CASTOR2: variants seen among roughly 807,000 people sequenced by gnomAD.
The protein encoded by CASTOR2 is GATS protein like 2.
CASTOR2 carries 8 observed loss-of-function variants against 31.2 expected under a neutral mutation model. The observed-to-expected ratio is 0.26, with a 90% CI of 0.15 to 0.46. The LOEUF (loss-of-function observed/expected upper bound fraction) is 0.46. Ranked by LOEUF, CASTOR2 falls within the 20% of genes least tolerant of loss-of-function variation. CASTOR2 has a pLI of 0.99. For synonymous variants in CASTOR2, 162 were observed against 158.7 expected, an observed-to-expected ratio of 1.02 and a Z score of -0.16; for missense variants, 216 against 382.1, an observed-to-expected ratio of 0.57 and a Z score of 3.62.
At chr7:75,012,194 G>A (rs1237321454) in intron 2 of CASTOR2, among the ~76,000 whole-genome samples, 7 of 152,118 alleles carry the variant, frequency 4.6e-5, no homozygotes, top group African/African-American at 4.8e-5. Flanking sequence ...AAGACTCTCA[G>A]GGGGCTGTGG....
At position 75,028,860 on chromosome 7, in the gene CASTOR2, C is replaced by T. The variant is rs1388136142; in HGVS notation, c.*4161C>T. On this transcript the variant is annotated 3_prime_UTR_variant, in exon 9 of 9. Transcript: ENST00000616305. Reference sequence around the variant, plus strand: ...CCTGACCCTGGTAGCTTCCCCTCCCCAAGATTCAGAGGCGGGGACCCAAAG... The same window carrying T: ...CCTGACCCTGGTAGCTTCCCCTCCCTAAGATTCAGAGGCGGGGACCCAAAG... Among the ~76,000 whole-genome samples the T allele has an allele frequency of 1.3e-5, 2 of 152,192 alleles. No individual in the cohort carries two copies. Among genetic ancestry groups the T allele is most frequent in the Non-Finnish European group, 2.9e-5 (2 of 68,026 alleles).
chr7:74,987,145 C>T (rs1394325619), intron 1 of CASTOR2, among the ~76,000 whole-genome samples: 2 of 152,216 alleles, frequency 1.3e-5, no homozygotes, highest in East Asian at 1.9e-4. Flanking sequence ...TGGCTCACAC[C>T]TGTAATCTCA....
intron 2 of CASTOR2, among the ~76,000 whole-genome samples, chr7:75,016,341 G>A (rs1314811417): frequency 2.0e-5 from 3 of 152,216 alleles, no homozygotes; most frequent in Non-Finnish European, 4.4e-5. Context: ...GTTTTCATGA[G>A]CTAGGTAAGG....
intron 1 of CASTOR2, 71 bp from the exon 2 acceptor site, chr7:75,007,923 C>T (rs1162321682): frequency 1.2e-6 from 2 of 1,609,800 alleles, no homozygotes; most frequent in Non-Finnish European, 1.7e-6. Context: ...ATCCCCAGGG[C>T]ACGGGTGGGC....
intron 2 of CASTOR2, among the ~76,000 whole-genome samples, chr7:75,016,748 G>A (rs1392093996): frequency 2.0e-5 from 3 of 152,204 alleles, no homozygotes; most frequent in African/African-American, 7.2e-5. Flanking sequence ...AGCAAACTGA[G>A]GCTCGGTGCA....
chr7:74,985,699 C>T (rs1357249901), intron 1 of CASTOR2, among the ~76,000 whole-genome samples: 35 of 151,986 alleles, frequency 2.3e-4, no homozygotes, highest in African/African-American at 8.0e-4. Context: ...TTCCATTACC[C>T]CCCAGGCCTC....
intron 2 of CASTOR2, among the ~76,000 whole-genome samples, chr7:75,011,134 A>G (rs1322773959): frequency 3.3e-5 from 5 of 151,968 alleles, no homozygotes; most frequent in Non-Finnish European, 5.9e-5. Context: ...TGCTGCCAAA[A>G]TATTAGCATT....
intron 1 of CASTOR2, among the ~76,000 whole-genome samples, chr7:74,989,313 GTAGTGCAGTTA>G (rs1804149225): frequency 6.6e-6 from 1 of 150,858 alleles, no homozygotes; most frequent in South Asian, 2.1e-4. Flanking sequence ...CTGGAATGCA[GTAGTGCAGTTA>G]TAGCTCACTG....
intron 7 of CASTOR2, among the ~76,000 whole-genome samples, chr7:75,022,159 C>T (rs1197438368): frequency 1.3e-5 from 2 of 152,154 alleles, no homozygotes; most frequent in Non-Finnish European, 2.9e-5. Flanking sequence ...AGGCTTCAAT[C>T]GGAGTGCTTT....
At chr7:75,019,466 TG>T (rs1804943127) in intron 5 of CASTOR2, among the ~76,000 whole-genome samples, 1 of 151,988 alleles carries the variant, frequency 6.6e-6, no homozygotes, top group Non-Finnish European at 1.5e-5. Context: ...GTGGGAGACA[TG>T]GACCCGCCCT....
At chr7:75,018,219 T>G in intron 4 of CASTOR2, 97 bp downstream of exon 4, 2 of 1,546,042 alleles carry the variant, frequency 1.3e-6, no homozygotes, top group Non-Finnish European at 1.8e-6. Flanking sequence ...TTCTGCCCAC[T>G]GAGCATGAAT....
chr7:75,024,880 C>T lies in CASTOR2; in HGVS notation c.*181C>T, dbSNP rs942168842. ...GCAGGGGCCCACGCCAAGGCCTCTC[C>T]ATGCCCTCCTGCCTTCCCGGAGCCC... is the stretch of plus-strand genomic sequence containing the variant. On this transcript the variant is annotated 3_prime_UTR_variant, in exon 9 of 9. Transcript: ENST00000616305. The T allele has an allele frequency of 2.3e-5, 33 of 1,449,506 alleles. No homozygotes were observed. The highest frequency in any genetic ancestry group is 2.8e-5 in the Non-Finnish European group (30 of 1,066,538). 89.8% of individuals were successfully genotyped at this position (1,449,506 alleles called of 1,614,324 possible).
At chr7:74,990,646 G>A (rs1386578051) in intron 1 of CASTOR2, among the ~76,000 whole-genome samples, 17 of 152,190 alleles carry the variant, frequency 1.1e-4, no homozygotes, top group African/African-American at 4.1e-4. Flanking sequence ...CTTGAGGTCA[G>A]GAGTTTGAGA....
At chr7:74,978,260 C>T (rs138313393) in intron 1 of CASTOR2, among the ~76,000 whole-genome samples, 8,596 of 149,708 alleles carry the variant, frequency 0.057, 487 homozygotes, top group Middle Eastern at 0.19. Context: ...CACGCCACCA[C>T]GCCTGGCTAA....
At chr7:74,987,701 GTTTTCTTT>G (rs1439192577) in intron 1 of CASTOR2, among the ~76,000 whole-genome samples, 1 of 152,136 alleles carries the variant, frequency 6.6e-6, no homozygotes, top group African/African-American at 2.4e-5. Flanking sequence ...GTTCTGTCTG[GTTTTCTTT>G]TTTTCTTTTA....
intron 1 of CASTOR2, among the ~76,000 whole-genome samples, chr7:75,001,063 A>G (rs1262598917): frequency 6.6e-6 from 1 of 151,946 alleles, no homozygotes; most frequent in African/African-American, 2.4e-5. Flanking sequence ...ACCCTGCAGG[A>G]ATCAAGCCTG....
chr7:74,991,735 G>C (rs2131931337), intron 1 of CASTOR2, among the ~76,000 whole-genome samples: 1 of 152,230 alleles, frequency 6.6e-6, no homozygotes, highest in East Asian at 1.9e-4. Flanking sequence ...AGGCTGGGGA[G>C]TGGAATGAGG....
intron 1 of CASTOR2, among the ~76,000 whole-genome samples, chr7:74,981,736 T>C (rs1241396226): frequency 2.6e-5 from 4 of 151,098 alleles, no homozygotes; most frequent in Admixed American, 6.6e-5. Context: ...CTATTTTTTT[T>C]TTAATAATTT....
At position 75,025,013 on chromosome 7, in the gene CASTOR2, C is replaced by T. The variant is rs956556562; in HGVS notation, c.*314C>T. Among the ~76,000 whole-genome samples, 2 of 152,368 alleles carry T rather than the reference C, an allele frequency of 1.3e-5. No individual in the cohort carries two copies. The highest frequency in any genetic ancestry group is 6.5e-5 in the Admixed American group (1 of 15,308). Reference sequence around the variant, plus strand: ...GCTGATCCGCCTTCTCATCCGGCCTCACCCACGGCCAGGGGCAGATGCCGA... The same window carrying T: ...GCTGATCCGCCTTCTCATCCGGCCTTACCCACGGCCAGGGGCAGATGCCGA... On this transcript the variant is annotated 3_prime_UTR_variant, in exon 9 of 9. Transcript: ENST00000616305.
Sources: allele counts gnomAD v4.1 joint callset (sites outside exome capture counted in the v4.1 genomes callset), GRCh38; gene constraint gnomAD v4.1.1; transcripts MANE v1.5; gene names NCBI Gene and HGNC (gene_info 2026-07-23, HGNC 2026-07-21).